Variants in CFAP47 observed in about 807,000 individuals in gnomAD.
CFAP47 encodes the protein cilia- and flagella-associated protein 47.
Under a neutral mutation model 148.1 loss-of-function variants are expected in CFAP47, and 29 were observed. The ratio of observed to expected loss-of-function variants is 0.20; its 90% CI spans 0.15 to 0.27. CFAP47 has a LOEUF of 0.27. CFAP47 is among the 10% of genes least tolerant of loss of function. The pLI is 1.00. For synonymous variants in CFAP47, 664 were observed against 577.3 expected (o/e 1.15, Z -2.15); for missense variants, 1,872 against 1,697.5 (o/e 1.10, Z -1.81).
intron 36 of CFAP47, 116 bp downstream of exon 36, chrX:36,145,469 A>G (rs1569272730): frequency 3.5e-6 from 1 of 282,400 alleles, no homozygotes; most frequent in Non-Finnish European, 6.2e-6. Context: ...AATTTTATTA[A>G]AAGTGAATAA....
rs1260413418 is a variant in CFAP47, at chrX:36,375,213, G to A, written c.9186-4137G>A. ...GCAATGCGGAAAGATGGCGGAAAGA[G>A]AATGGGAGGGGAGAGCGCACGCAGT... On this transcript the variant is annotated intron_variant, in intron 62 of 63. Transcript: ENST00000378653. 4 of 255,556 alleles carry A rather than the reference G, an allele frequency of 1.6e-5. No individual in the cohort carries two copies. The South Asian group carries it at 1.9e-4, about 12-fold the overall frequency. 21.1% of individuals were successfully genotyped at this position (255,556 alleles called of 1,213,427 possible).
rs1363468254 is a variant in CFAP47 at position 36,366,576 on chromosome X, G to A, written c.9024-390G>A. On this transcript the variant is annotated intron_variant, in intron 61 of 63. Transcript: ENST00000378653. The stretch of plus-strand genomic sequence containing the variant: ...TGTTTCATTTTTGAAAAAAATCCCC[G>A]AATGGAATACCTATTAGTATAAAAC... Among the ~76,000 whole-genome samples, 9 of 111,166 alleles carry A rather than the reference G, an allele frequency of 8.1e-5. No homozygotes were observed. The South Asian group carries it at 1.1e-3, about 14-fold the overall frequency.
chrX:36,348,318 A>G, intron 58 of CFAP47, 30 bp downstream of exon 58: 1 of 878,121 alleles, frequency 1.1e-6, no homozygotes, highest in Non-Finnish European at 1.5e-6. Flanking sequence ...ATTGAAGGAA[A>G]ATAATTTTAT....
At chrX:36,019,703 T>G (rs1421993661) in intron 22 of CFAP47, among the ~76,000 whole-genome samples, 1 of 112,237 alleles carries the variant, frequency 8.9e-6, no homozygotes, top group Admixed American at 9.5e-5. Flanking sequence ...CTCCTAGATT[T>G]TTCCAATTTA....
intron 51 of CFAP47, among the ~76,000 whole-genome samples, chrX:36,289,654 T>G (rs1418539716): frequency 1.8e-5 from 2 of 111,916 alleles, no homozygotes; most frequent in African/African-American, 6.5e-5. Flanking sequence ...TTTAAAGCAC[T>G]TGTTGGCTCC....
rs1374303307 is a variant in CFAP47 at position 36,146,483 on chromosome X, C to T, written c.5670+1130C>T. Among the ~76,000 whole-genome samples, 4 of 111,407 alleles carry T rather than the reference C, an allele frequency of 3.6e-5. No individual in the cohort carries two copies. In the East Asian group the frequency reaches 1.1e-3, roughly 31 times the overall value. On this transcript the variant is annotated intron_variant, in intron 36 of 63. Coordinates refer to ENST00000378653, the MANE Select transcript of CFAP47 (RefSeq NM_001304548.2). The stretch of plus-strand genomic sequence containing the variant: ...ACCTAAGATTATAGATAAAATTATA[C>T]AAATATACCTTTCATTTTTCACAAT...
chrX:36,043,192 G>C (rs1450401300), intron 25 of CFAP47, among the ~76,000 whole-genome samples: 1 of 111,761 alleles, frequency 8.9e-6, no homozygotes, highest in African/African-American at 3.2e-5. Context: ...TAGAAACTAA[G>C]TATTAAAAAC....
At chrX:36,051,848 T>C (rs1480764571) in intron 26 of CFAP47, among the ~76,000 whole-genome samples, 2 of 111,196 alleles carry the variant, frequency 1.8e-5, no homozygotes, top group African/African-American at 6.6e-5. Context: ...CCATATGTCA[T>C]GGGAGGGACC....
intron 27 of CFAP47, among the ~76,000 whole-genome samples, chrX:36,067,177 C>T (rs773563620): frequency 4.5e-5 from 5 of 111,339 alleles, no homozygotes; most frequent in Non-Finnish European, 7.5e-5. Context: ...TCTGACCCCT[C>T]TCTTCTTCCT....
At chrX:36,328,679 G>A (rs1482072796) in intron 57 of CFAP47, among the ~76,000 whole-genome samples, 9 of 107,124 alleles carry the variant, frequency 8.4e-5, no homozygotes, top group Admixed American at 7.0e-4. Context: ...GCGCGGTGGC[G>A]GGCGCCTGTA....
intron 53 of CFAP47, 114 bp from the exon 54 acceptor site, chrX:36,303,735 C>T (rs1487521636): frequency 1.8e-5 from 7 of 392,509 alleles, no homozygotes; most frequent in Non-Finnish European, 3.1e-5. Context: ...ATTAAGACTT[C>T]AATATATCTT....
chrX:35,940,003 G>A (rs1307760577), intron 2 of CFAP47, among the ~76,000 whole-genome samples: 55 of 110,138 alleles, frequency 5.0e-4, no homozygotes, highest in Non-Finnish European at 9.5e-4. Context: ...GGTGTGAGAT[G>A]GTATCTCATT....
chrX:36,298,414 T>G (rs1362452928), intron 51 of CFAP47, among the ~76,000 whole-genome samples: 2 of 44,513 alleles, frequency 4.5e-5, no homozygotes, highest in African/African-American at 9.7e-5. Context: ...TGTTGTGGGG[T>G]GGGGGGAGGG....
At chrX:36,119,499 A>T in intron 33 of CFAP47, among the ~76,000 whole-genome samples, 1 of 111,227 alleles carries the variant, frequency 9.0e-6, no homozygotes, top group Non-Finnish European at 1.9e-5. Flanking sequence ...AATATTCATG[A>T]GATTTATTGG....
At chrX:36,043,587 A>T (rs755520663) in intron 25 of CFAP47, among the ~76,000 whole-genome samples, 2 of 112,959 alleles carry the variant, frequency 1.8e-5, no homozygotes, top group Non-Finnish European at 3.7e-5. Context: ...ATCTCCTTTG[A>T]CTCTATGTCT....
intron 8 of CFAP47, among the ~76,000 whole-genome samples, chrX:35,962,902 A>G (rs1936349980): frequency 9.7e-6 from 1 of 103,436 alleles, no homozygotes; most frequent in Non-Finnish European, 2.0e-5. Flanking sequence ...TGCTGATTTC[A>G]TTCCCCTTGG....
Position 36,156,625 on chromosome X carries a change from G to GT in CFAP47, c.5787-2793dup, listed in dbSNP as rs746306156. On this transcript the variant is annotated intron_variant, in intron 37 of 63. Coordinates refer to ENST00000378653, the MANE Select transcript of CFAP47 (RefSeq NM_001304548.2). ...ACAATGTATATATAATATCAAGGAG[G>GT]TTTTTTTTAAAAAAAAATCAGGGAA... 4.7e-4 allele frequency among the ~76,000 whole-genome samples: 51 copies of GT among 108,074 alleles called. 1 individual carries two copies. The East Asian group carries it at 0.011, about 24-fold the overall frequency. The allele number at this position is 108,074 out of a possible 115,157, so 93.8% of individuals were successfully genotyped here.
chrX:36,317,035 C>CCT (rs1556011110), intron 56 of CFAP47, among the ~76,000 whole-genome samples: 1 of 111,995 alleles, frequency 8.9e-6, no homozygotes, highest in African/African-American at 3.3e-5. Flanking sequence ...GATCCACCTT[C>CCT]CTTGGCCTCC....
chrX:36,051,075 C>G (rs1937518677), intron 26 of CFAP47, among the ~76,000 whole-genome samples: 1 of 112,268 alleles, frequency 8.9e-6, no homozygotes, highest in African/African-American at 3.2e-5. Flanking sequence ...GATGTCCAGG[C>G]AGCAGTTTGC....
Sources: gnomAD v4.1 joint callset for allele counts (sites outside exome capture counted in the v4.1 genomes callset) on GRCh38, gnomAD v4.1.1 for gene constraint, MANE v1.5 for transcripts, NCBI Gene and HGNC (gene_info 2026-07-23, HGNC 2026-07-21) for gene names.